HSPG2: variants seen among roughly 807,000 people sequenced by gnomAD.
The protein encoded by HSPG2 is basement membrane-specific heparan sulfate proteoglycan core protein.
Under a neutral mutation model 526.6 loss-of-function variants are expected in HSPG2, and 278 were observed. That is an observed-to-expected ratio of 0.53 (90% CI 0.48 to 0.58). The LOEUF (loss-of-function observed/expected upper bound fraction) is 0.58. Among genes scored for constraint, HSPG2 ranks in the 20% least tolerant of loss-of-function variants. The pLI is 0.00. For synonymous variants in HSPG2, 2,465 were observed against 2,555.4 expected (o/e 0.96, Z 1.07); for missense variants, 5,354 against 6,099.5 (o/e 0.88, Z 4.07).
chr1:21,833,219 G>T lies in HSPG2; in HGVS notation c.11095+49C>A, dbSNP rs1314823654. 2.1e-6 allele frequency: 3 copies of T among 1,454,602 alleles called. No individual in the cohort carries two copies. In the Admixed American group the frequency reaches 5.0e-5, roughly 24 times the overall value. The allele number at this position is 1,454,602 out of a possible 1,614,324, so 90.1% of individuals were successfully genotyped here. A position where few individuals can be genotyped will look rare whatever the true frequency, so the allele number is the denominator to read the frequency against. On this transcript the variant is annotated intron_variant, in intron 80 of 96. Transcript: ENST00000374695. ...GCCATGATGGCAGTTACTCCACGAG[G>T]TCCCTCAACCCAGGCCAGCCCACCC...
At chr1:21,869,624 G>A in intron 33 of HSPG2, 1 of 986,038 alleles carries the variant, frequency 1.0e-6, no homozygotes, top group Non-Finnish European at 1.2e-6. Context: ...GACAGGAGCT[G>A]CCAGATCTCA....
rs749232550 is a variant in HSPG2 at position 21,873,081 on chromosome 1, C to T, written c.3804G>A (p.Gln1268=). The change falls in exon 31 of 97, where the codon CAG becomes CAA. Residue 1268 remains glutamine (Q), a synonymous_variant. Transcript: ENST00000374695. ...SQGQPCQRDS[Q]VPGPIGCNCD... is the part of the protein sequence containing the mutation. ...AGTTGCAGCCTATGGGCCCTGGCAC[C>T]TGGCTGTCTCCTGAGGTGGAAGAAA... is the stretch of plus-strand genomic sequence containing the variant. 6.2e-6 allele frequency: 10 copies of T among 1,600,906 alleles called. No individual in the cohort carries two copies. The highest frequency in any genetic ancestry group is 4.4e-5 in the South Asian group (4 of 91,078).
Position 21,823,045 on chromosome 1 carries a change from G to A in HSPG2, c.*271C>T. On this transcript the variant is annotated 3_prime_UTR_variant, in exon 97 of 97. Coordinates refer to ENST00000374695, the MANE Select transcript of HSPG2 (RefSeq NM_005529.7). ...AGGGGGACAGTGGGGGCAGTTCTGGGCCCACCCAGCCACTGTTCCTGACCC... is the reference window on the plus strand; with the variant it reads ...AGGGGGACAGTGGGGGCAGTTCTGGACCCACCCAGCCACTGTTCCTGACCC... 5.4e-6 allele frequency: 2 copies of A among 367,714 alleles called. No homozygotes were observed. Among genetic ancestry groups the A allele is most frequent in the Non-Finnish European group, 9.7e-6 (2 of 206,410 alleles). The allele number at this position is 367,714 out of a possible 1,614,324, so 22.8% of individuals were successfully genotyped here.
chr1:21,897,769 G>A (rs1308901656), intron 1 of HSPG2, among the ~76,000 whole-genome samples: 1 of 152,148 alleles, frequency 6.6e-6, no homozygotes, highest in South Asian at 2.1e-4. Flanking sequence ...GGGTGACTGG[G>A]AAGGGGGCAC....
Position 21,888,001 on chromosome 1 carries a change from C to T in HSPG2, c.640G>A (p.Ala214Thr). Residue 214 changes from alanine (A) to threonine (T), a missense_variant, in exon 7 of 97, where the codon GCC (alanine) becomes ACC (threonine). Transcript: ENST00000374695. ...CGCCGGTCACAGCGATACTCCAGGG[C>T]CACACACTCATTGTAGCTGTGGCAG... ...FACHSYNECVALEYRCDRRPD... is the reference protein window; with the variant it reads ...FACHSYNECVTLEYRCDRRPD... The T allele has an allele frequency of 1.2e-6, 2 of 1,614,150 alleles. No homozygotes were observed. The highest frequency in any genetic ancestry group is 1.7e-6 in the Non-Finnish European group (2 of 1,180,038).
Position 21,872,218 on chromosome 1 carries a change from A to G in HSPG2, c.4189T>C (p.Trp1397Arg). ...FAQLGHESFY[W>R]QLPETYQGDK... is the part of the protein sequence containing the mutation. ...CCCTGGTATGTCTCCGGCAGCTGCC[A>G]GTAGAAGGACTCATGGCCGAGTTGG... Residue 1397 changes from tryptophan to arginine, a missense_variant, in exon 33 of 97, where the codon TGG (tryptophan) becomes CGG (arginine). Coordinates refer to ENST00000374695, the MANE Select transcript of HSPG2 (RefSeq NM_005529.7). This position sits in a 1 kb window ranked among gnomAD's most constrained non-coding sequence, Gnocchi z 5.5. 6.4e-7 allele frequency: 1 copy of G among 1,552,162 alleles called. No homozygotes were observed. Among genetic ancestry groups the G allele is most frequent in the Non-Finnish European group, 8.7e-7 (1 of 1,147,222 alleles).
At position 21,828,797 on chromosome 1, in the gene HSPG2, C is replaced by T; in HGVS notation, c.12237+38G>A. The stretch of plus-strand genomic sequence containing the variant: ...CCGAGGGGGACACAAGGCTTGGCAC[C>T]CCTCCCCTCCCGCTTGTCCCGAGGA... On this transcript the variant is annotated intron_variant, in intron 88 of 96. Transcript: ENST00000374695. The surrounding 1 kb of genome is among the most constrained non-coding windows in gnomAD (Gnocchi z 6.0). 6.5e-7 allele frequency: 1 copy of T among 1,544,604 alleles called. No individual in the cohort carries two copies. Among genetic ancestry groups the T allele is most frequent in the East Asian group, 2.5e-5 (1 of 40,520 alleles).
At position 21,843,343 on chromosome 1, in the gene HSPG2, T is replaced by A; in HGVS notation, c.8712A>T (p.Ala2904=). 1 of 1,614,110 alleles carries A rather than the reference T, an allele frequency of 6.2e-7. No individual in the cohort carries two copies. The highest frequency in any genetic ancestry group is 2.2e-5 in the East Asian group (1 of 44,868). Residue 2904 remains alanine (A), a synonymous_variant, in exon 66 of 97, where the codon GCA becomes GCT. Transcript: ENST00000374695. ...QVTGSSGTLE[A]SVLVTIEPSS... is the part of the protein sequence containing the mutation. ...AGGGCTCAATTGTGACCAGGACAGA[T>A]GCCTCCAGGGTGCCTGAGCTTCCGG... is the stretch of plus-strand genomic sequence containing the variant.
At chr1:21,934,691 G>A (rs1644437907) in intron 1 of HSPG2, among the ~76,000 whole-genome samples, 1 of 151,938 alleles carries the variant, frequency 6.6e-6, no homozygotes, top group Non-Finnish European at 1.5e-5. Flanking sequence ...CGCCTCCCGG[G>A]TTAACGCCAT....
In HSPG2 at chr1:21,824,568, G is replaced by A. The variant is rs987773335; in HGVS notation, c.12713C>T (p.Thr4238Ile). ...CTGCCAGAGCAGGAGGCCACTGGCT[G>A]TGCTGGTCCGAACCTCCAGCTCGAT... is the stretch of plus-strand genomic sequence containing the variant. ...ETIELEVRTSTASGLLLWQGV... is the reference protein window; with the variant it reads ...ETIELEVRTSIASGLLLWQGV... Residue 4238 changes from threonine (T) to isoleucine (I), a missense_variant, in exon 93 of 97, where the codon ACA (threonine) becomes ATA (isoleucine). Thr to Ile is a moderately conservative substitution (Grantham distance 89). Transcript: ENST00000374695. The surrounding 1 kb of genome is among the most constrained non-coding windows in gnomAD (Gnocchi z 5.9). 2 of 1,613,890 alleles carry A rather than the reference G, an allele frequency of 1.2e-6. No homozygotes were observed. The highest frequency in any genetic ancestry group is 8.5e-7 in the Non-Finnish European group (1 of 1,180,032).
rs757974672 is a variant in HSPG2, at chr1:21,839,561, G to A, written c.9710-11C>T. 2.5e-6 allele frequency: 4 copies of A among 1,613,332 alleles called. No homozygotes were observed. Among genetic ancestry groups the A allele is most frequent in the African/African-American group, 1.3e-5 (1 of 74,892 alleles). ...TGGGCGCGGGGCTGCCTGTGGAGTCGAGTGGAAGATGACAGAAGTCACTGG... is the reference window on the plus strand; with the variant it reads ...TGGGCGCGGGGCTGCCTGTGGAGTCAAGTGGAAGATGACAGAAGTCACTGG... On this transcript the variant is annotated splice_polypyrimidine_tract_variant and intron_variant, in intron 72 of 96. Transcript: ENST00000374695. This position sits in a 1 kb window ranked among gnomAD's most constrained non-coding sequence, Gnocchi z 4.5.
chr1:21,878,270 G>A lies in HSPG2; in HGVS notation c.2618-17C>T, dbSNP rs1003750987. On this transcript the variant is annotated splice_polypyrimidine_tract_variant and intron_variant, in intron 20 of 96. Transcript: ENST00000374695. ...TCTCCTGGTCTGGGACACAAAACGA[G>A]TGTTGGCAGGGCAGGTGGGAATGGG... 1 of 1,613,540 alleles carries A rather than the reference G, an allele frequency of 6.2e-7. No individual in the cohort carries two copies. Among genetic ancestry groups the A allele is most frequent in the Non-Finnish European group, 8.5e-7 (1 of 1,179,794 alleles).
At position 21,912,148 on chromosome 1, in the gene HSPG2, T is replaced by C. The variant is rs921856386; in HGVS notation, c.64-15838A>G. On this transcript the variant is annotated intron_variant, in intron 1 of 96. Transcript: ENST00000374695. Reference sequence around the variant, plus strand: ...GGCACATGCCACCCCATACCACTGTTAACTGTTGACTGGACACTTTAGCCT... The same window carrying C: ...GGCACATGCCACCCCATACCACTGTCAACTGTTGACTGGACACTTTAGCCT... Among the ~76,000 whole-genome samples, 4 of 152,188 alleles carry C rather than the reference T, an allele frequency of 2.6e-5. No homozygotes were observed. In the South Asian group the frequency reaches 8.3e-4, roughly 31 times the overall value.
intron 1 of HSPG2, among the ~76,000 whole-genome samples, chr1:21,903,051 G>C (rs1042063528): frequency 1.3e-5 from 2 of 152,172 alleles, no homozygotes; most frequent in African/African-American, 4.8e-5. Context: ...GAATGAACCT[G>C]CCCAACAGCC....
Position 21,829,511 on chromosome 1 carries a change from A to T in HSPG2, c.11864T>A (p.Val3955Glu). The T allele has an allele frequency of 6.2e-7, 1 of 1,613,124 alleles. No homozygotes were observed. Among genetic ancestry groups the T allele is most frequent in the Non-Finnish European group, 8.5e-7 (1 of 1,179,840 alleles). ...TNTHHELRLD[V>E]EFKPLAPDGV... ...GTCAGGGGCGAGTGGCTTGAACTCC[A>T]CGTCCAGGCGTAGCTCGTGGTGTGT... Residue 3955 changes from valine (V) to glutamate (E), a missense_variant, in exon 87 of 97, where the codon GTG becomes GAG. By Grantham distance (121) the Val-to-Glu change is moderately radical. Coordinates refer to ENST00000374695, the MANE Select transcript of HSPG2 (RefSeq NM_005529.7).
chr1:21,875,561 G>A (rs921840812), intron 25 of HSPG2, 68 bp downstream of exon 25: 2 of 1,174,530 alleles, frequency 1.7e-6, no homozygotes, highest in South Asian at 1.2e-5. Flanking sequence ...TGGCTGTGCT[G>A]TACTGCACCG....
At chr1:21,883,506 G>A (rs748817477) in intron 13 of HSPG2, among the ~76,000 whole-genome samples, 3 of 151,948 alleles carry the variant, frequency 2.0e-5, no homozygotes, top group Non-Finnish European at 4.4e-5. Context: ...TTAATTATTT[G>A]TAGAGATGGG....
chr1:21,864,705 C>T lies in HSPG2; in HGVS notation c.4626+138G>A, dbSNP rs957627598. ...ATAATGATATGTAACTCAGGGCTGT[C>T]GGGAGGAATACATGCAGGGCCCAGA... On this transcript the variant is annotated intron_variant, in intron 36 of 96. Transcript: ENST00000374695. This position sits in a 1 kb window ranked among gnomAD's most constrained non-coding sequence, Gnocchi z 4.8. 3.0e-5 allele frequency: 22 copies of T among 745,172 alleles called. No individual in the cohort carries two copies. The highest frequency in any genetic ancestry group is 2.0e-5 in the Admixed American group (1 of 48,824). The allele number at this position is 745,172 out of a possible 1,614,324, so 46.2% of individuals were successfully genotyped here. A position where few individuals can be genotyped will look rare whatever the true frequency, so the allele number is the denominator to read the frequency against.
chr1:21,826,213 C>G (rs1321384866), intron 91 of HSPG2, among the ~76,000 whole-genome samples: 1 of 151,974 alleles, frequency 6.6e-6, no homozygotes, highest in Non-Finnish European at 1.5e-5. Context: ...GGGACCATAG[C>G]CATGTGCCAC....
Sources: gnomAD v4.1 joint callset for allele counts (sites outside exome capture counted in the v4.1 genomes callset) on GRCh38, gnomAD v4.1.1 for gene constraint, Gnocchi (gnomAD v3.1) non-coding constraint, MANE v1.5 for transcripts, NCBI Gene and HGNC (gene_info 2026-07-23, HGNC 2026-07-21) for gene names.